The following DIAPH1 variants were observed in gnomAD, a reference collection of about 807,000 sequenced individuals.
The protein encoded by DIAPH1 is protein diaphanous homolog 1.
Under a neutral mutation model 140.7 loss-of-function variants are expected in DIAPH1, and 46 were observed. The ratio of observed to expected loss-of-function variants is 0.33; its 90% CI spans 0.26 to 0.42. The LOEUF is 0.42. Ranked by LOEUF, DIAPH1 falls within the 10% of genes least tolerant of loss-of-function variation. DIAPH1 has a pLI of 1.00. For missense variants in DIAPH1, 1,310 were observed against 1,558.7 expected (o/e 0.84, Z 2.69); for synonymous variants, 565 against 551.6 (o/e 1.02, Z -0.34).
At chr5:141,554,492 AAAT>A (rs1487344609) in intron 18 of DIAPH1, among the ~76,000 whole-genome samples, 2 of 150,920 alleles carry the variant, frequency 1.3e-5, no homozygotes, top group African/African-American at 4.8e-5. Flanking sequence ...CTCAAGGAAT[AAAT>A]AATTCCACCA....
chr5:141,537,087 G>A (rs2099889133), intron 18 of DIAPH1, among the ~76,000 whole-genome samples: 1 of 152,024 alleles, frequency 6.6e-6, no homozygotes, highest in Admixed American at 6.6e-5. Flanking sequence ...AGGATCACTG[G>A]AGCCCAGGAG....
chr5:141,597,954 T>C (rs905652456), intron 1 of DIAPH1, among the ~76,000 whole-genome samples: 7 of 152,216 alleles, frequency 4.6e-5, no homozygotes, highest in South Asian at 2.1e-4. Context: ...CTCAACCTTA[T>C]TCCTGTTGAA....
At chr5:141,554,488 GAATA>G (rs2099892250) in intron 18 of DIAPH1, among the ~76,000 whole-genome samples, 1 of 151,396 alleles carries the variant, frequency 6.6e-6, no homozygotes, top group East Asian at 1.9e-4. Flanking sequence ...AACACTCAAG[GAATA>G]AATAATTCCA....
Position 141,516,760 on chromosome 5 carries a change from G to C in DIAPH1, c.*91C>G. The C allele has an allele frequency of 6.7e-7, 1 of 1,502,614 alleles. No individual in the cohort carries two copies. Among genetic ancestry groups the C allele is most frequent in the South Asian group, 1.1e-5 (1 of 87,460 alleles). The allele number at this position is 1,502,614 out of a possible 1,614,324, so 93.1% of individuals were successfully genotyped here. ...CAGGGTGGTGGGAGTGGCCACCCCA[G>C]AGGAATATCCCCTTGAGCCTTTAGG... On this transcript the variant is annotated 3_prime_UTR_variant, in exon 28 of 28. Transcript: ENST00000389054.
At chr5:141,539,276 C>CAAA (rs113967437) in intron 18 of DIAPH1, among the ~76,000 whole-genome samples, 2 of 135,406 alleles carry the variant, frequency 1.5e-5, no homozygotes, top group African/African-American at 2.7e-5. Flanking sequence ...GACCATGTGT[C>CAAA]AAAAAAAAAA....
chr5:141,618,656 G>C, intron 1 of DIAPH1, 142 bp downstream of exon 1: 1 of 569,252 alleles, frequency 1.8e-6, no homozygotes. Context: ...ATGTCGGGCT[G>C]CAGAGCTGCG....
In DIAPH1 at chr5:141,576,844, T is replaced by C; in HGVS notation, c.1308A>G (p.Glu436=). ...ARPQYYKLIE[E]CISQIVLHKN... Reference sequence around the variant, plus strand: ...TGTGCAGAACTATCTGGGAAATACATTCTTCAATCAACTTATAGTACTGAG... The same window carrying C: ...TGTGCAGAACTATCTGGGAAATACACTCTTCAATCAACTTATAGTACTGAG... The change falls in exon 13 of 28, where the codon GAA becomes GAG. Residue 436 remains glutamate, a synonymous_variant. Transcript: ENST00000389054. 6.2e-7 allele frequency: 1 copy of C among 1,612,914 alleles called. No homozygotes were observed. The highest frequency in any genetic ancestry group is 1.1e-5 in the South Asian group (1 of 91,040).
At chr5:141,602,769 A>T (rs1303757767) in intron 1 of DIAPH1, among the ~76,000 whole-genome samples, 2 of 152,262 alleles carry the variant, frequency 1.3e-5, no homozygotes, top group Non-Finnish European at 2.9e-5. Flanking sequence ...AACAGAAGTC[A>T]GTCAGAACTA....
intron 18 of DIAPH1, among the ~76,000 whole-genome samples, chr5:141,559,156 GTAAGAGGGTC>G (rs936752553): frequency 2.6e-5 from 4 of 151,444 alleles, no homozygotes; most frequent in Admixed American, 2.6e-4. Flanking sequence ...AGAGGAGACA[GTAAGAGGGTC>G]TTAATGTTAA....
intron 1 of DIAPH1, among the ~76,000 whole-genome samples, chr5:141,590,233 C>G (rs1407384436): frequency 6.6e-6 from 1 of 152,110 alleles, no homozygotes; most frequent in Admixed American, 6.5e-5. Context: ...CATTTTTCAC[C>G]AACCTGGTGC....
At chr5:141,613,133 C>G (rs1055541109) in intron 1 of DIAPH1, among the ~76,000 whole-genome samples, 3 of 152,180 alleles carry the variant, frequency 2.0e-5, no homozygotes, top group African/African-American at 7.2e-5. Context: ...ATATCCACCA[C>G]CAAGGATGGA....
chr5:141,527,719 A>G, intron 23 of DIAPH1, 22 bp from the exon 24 acceptor site: 1 of 1,553,216 alleles, frequency 6.4e-7, no homozygotes, highest in Non-Finnish European at 8.7e-7. Context: ...AAAAAAAAAA[A>G]AAACCATAAA....
intron 2 of DIAPH1, among the ~76,000 whole-genome samples, chr5:141,587,948 T>C (rs1404294215): frequency 2.0e-5 from 3 of 152,216 alleles, no homozygotes; most frequent in Non-Finnish European, 4.4e-5. Context: ...TAATTATCTG[T>C]AAGTATTATA....
At chr5:141,558,886 C>T (rs1003921983) in intron 18 of DIAPH1, among the ~76,000 whole-genome samples, 20 of 140,788 alleles carry the variant, frequency 1.4e-4, no homozygotes, top group African/African-American at 4.5e-4. Flanking sequence ...GCAACACATA[C>T]AACACAGGTG....
intron 18 of DIAPH1, among the ~76,000 whole-genome samples, chr5:141,566,195 G>T (rs72792309): frequency 0.023 from 3,463 of 152,290 alleles, 54 homozygotes; most frequent in East Asian, 0.046. Context: ...AACCTGGGTG[G>T]TATGACATGA....
chr5:141,591,592 C>A (rs1012406931), intron 1 of DIAPH1, among the ~76,000 whole-genome samples: 22 of 149,682 alleles, frequency 1.5e-4, no homozygotes, highest in Non-Finnish European at 2.7e-4. Flanking sequence ...ATCCAGACTC[C>A]AAAGCTGCCA....
intron 18 of DIAPH1, among the ~76,000 whole-genome samples, chr5:141,559,559 G>A (rs1174553552): frequency 6.6e-6 from 1 of 152,198 alleles, no homozygotes; most frequent in Non-Finnish European, 1.5e-5. Flanking sequence ...AAGTCTGGAA[G>A]GGTAGCAGAA....
chr5:141,599,545 G>A (rs2099899823), intron 1 of DIAPH1, among the ~76,000 whole-genome samples: 2 of 152,128 alleles, frequency 1.3e-5, no homozygotes, highest in South Asian at 4.1e-4. Flanking sequence ...CCACCTCCTG[G>A]GTTCAAGTGA....
chr5:141,541,003 T>A (rs1396830276), intron 18 of DIAPH1, among the ~76,000 whole-genome samples: 1 of 152,046 alleles, frequency 6.6e-6, no homozygotes, highest in Non-Finnish European at 1.5e-5. Flanking sequence ...GAAGTTGCAA[T>A]GAGCTGAGAT....
Sources: allele counts gnomAD v4.1 joint callset (sites outside exome capture counted in the v4.1 genomes callset), GRCh38; gene constraint gnomAD v4.1.1; transcripts MANE v1.5; gene names NCBI Gene and HGNC (gene_info 2026-07-23, HGNC 2026-07-21).